VAV2: variants seen among roughly 807,000 people sequenced by gnomAD.
The protein encoded by VAV2 is guanine nucleotide exchange factor VAV2.
VAV2 carries 67 observed loss-of-function variants against 132.5 expected under a neutral mutation model. The observed-to-expected ratio is 0.51, with a 90% CI of 0.42 to 0.62. The LOEUF (loss-of-function observed/expected upper bound fraction) is 0.62, where lower values mean the gene tolerates loss of function less well. VAV2 is among the 20% of genes least tolerant of loss of function. The pLI, the probability that VAV2 is intolerant of heterozygous loss-of-function variation, is 0.00. For missense variants in VAV2, 938 were observed against 1,153.6 expected, an observed-to-expected ratio of 0.81 and a Z score of 2.71; for synonymous variants, 492 against 443.5, an observed-to-expected ratio of 1.11 and a Z score of -1.37.
intron 17 of VAV2, among the ~76,000 whole-genome samples, chr9:133,784,768 T>C (rs1381422019): frequency 6.6e-6 from 1 of 152,112 alleles, no homozygotes; most frequent in African/African-American, 2.4e-5. Context: ...TCATTGGATA[T>C]AAGCTTGAAA....
At chr9:133,819,539 A>T (rs1458596439) in intron 4 of VAV2, among the ~76,000 whole-genome samples, 3 of 152,130 alleles carry the variant, frequency 2.0e-5, no homozygotes, top group Non-Finnish European at 4.4e-5. Context: ...TTAAACACGC[A>T]GACAACATCC....
intron 2 of VAV2, among the ~76,000 whole-genome samples, chr9:133,921,366 G>A (rs1235589056): frequency 1.3e-5 from 2 of 152,236 alleles, no homozygotes; most frequent in East Asian, 1.9e-4. Context: ...GGCCAGGTAT[G>A]GTGGCTCACA....
In VAV2 at chr9:133,992,293, C is replaced by T; in HGVS notation, c.-15G>A. On this transcript the variant is annotated 5_prime_UTR_variant, in exon 1 of 30. Coordinates refer to ENST00000371850, the MANE Select transcript of VAV2 (RefSeq NM_001134398.2). The surrounding 1 kb of genome is among the most constrained non-coding windows in gnomAD (Gnocchi z 5.5). The stretch of plus-strand genomic sequence containing the variant: ...CACTGCTCCATGGCGCCCGCGGGCC[C>T]GACCGGCTCAGGGCAGTGCTCGAGC... 1 of 1,517,978 alleles carries T rather than the reference C, an allele frequency of 6.6e-7. No homozygotes were observed. Among genetic ancestry groups the T allele is most frequent in the Non-Finnish European group, 8.8e-7 (1 of 1,132,182 alleles). 94.0% of individuals were successfully genotyped at this position (1,517,978 alleles called of 1,614,324 possible). A position where few individuals can be genotyped will look rare whatever the true frequency, so the allele number is the denominator to read the frequency against.
At chr9:133,920,706 CG>C (rs1442739098) in intron 2 of VAV2, among the ~76,000 whole-genome samples, 1 of 152,062 alleles carries the variant, frequency 6.6e-6, no homozygotes, top group Admixed American at 6.5e-5. Context: ...CGGCTCAAGG[CG>C]GGGGATGCTG....
At chr9:133,803,131 G>A (rs10120042) in intron 9 of VAV2, among the ~76,000 whole-genome samples, 13,324 of 152,034 alleles carry the variant, frequency 0.088, 1,994 homozygotes, top group African/African-American at 0.31. Flanking sequence ...CCAGGATTCC[G>A]AGTGGAAGTC....
At chr9:133,976,212 A>C (rs1842504607) in intron 1 of VAV2, among the ~76,000 whole-genome samples, 1 of 152,090 alleles carries the variant, frequency 6.6e-6, no homozygotes, top group Non-Finnish European at 1.5e-5. Flanking sequence ...TTTCAAAAAA[A>C]AAAAATGCTA....
intron 12 of VAV2, among the ~76,000 whole-genome samples, chr9:133,793,320 GGCCAGA>G (rs982127651): frequency 5.9e-5 from 9 of 151,858 alleles, no homozygotes; most frequent in African/African-American, 2.2e-4. Context: ...GACCAGCCAG[GGCCAGA>G]GCCAGAGCCA....
At chr9:133,886,858 G>C (rs1216923425) in intron 2 of VAV2, among the ~76,000 whole-genome samples, 2 of 152,224 alleles carry the variant, frequency 1.3e-5, no homozygotes, top group Non-Finnish European at 2.9e-5. Context: ...TGGGCTTACA[G>C]GTCCCCTGGC....
intron 9 of VAV2, among the ~76,000 whole-genome samples, chr9:133,799,767 T>A (rs1469613734): frequency 6.7e-6 from 1 of 150,184 alleles, no homozygotes; most frequent in African/African-American, 2.5e-5. Flanking sequence ...AGAAAAAGGG[T>A]TTTCCCCTTT....
At position 133,830,226 on chromosome 9, in the gene VAV2, T is replaced by A. The variant is rs1218876442; in HGVS notation, c.449+4046A>T. Among the ~76,000 whole-genome samples, 3 of 152,198 alleles carry A rather than the reference T, an allele frequency of 2.0e-5. No individual in the cohort carries two copies. The East Asian group carries it at 5.8e-4, about 29-fold the overall frequency. On this transcript the variant is annotated intron_variant, in intron 4 of 29. Transcript: ENST00000371850. Reference sequence around the variant, plus strand: ...TTCAAGGTGACCTTCATGTTGGGCATCTGGCTATGGGCCCAAAGCAAAGAA... The same window carrying A: ...TTCAAGGTGACCTTCATGTTGGGCAACTGGCTATGGGCCCAAAGCAAAGAA...
chr9:133,812,660 G>C (rs1464120507), intron 4 of VAV2, among the ~76,000 whole-genome samples: 1 of 152,158 alleles, frequency 6.6e-6, no homozygotes, highest in Admixed American at 6.5e-5. Flanking sequence ...AGTGCTTCCG[G>C]CTCAGCCCTG....
rs1029082715 is a variant in VAV2 at position 133,851,304 on chromosome 9, GCTC to G, written c.380+10067_380+10069del. Among the ~76,000 whole-genome samples the G allele has an allele frequency of 3.9e-4, 59 of 152,114 alleles. No individual in the cohort carries two copies. In the South Asian group the frequency reaches 9.7e-3, roughly 25 times the overall value. On this transcript the variant is annotated intron_variant, in intron 3 of 29. Transcript: ENST00000371850. ...GAGGAACCTGAGGCACAGAGTGGCA[GCTC>G]CTCCTCCTCCTCCTGACTCTCAGCT...
At chr9:133,816,307 C>T (rs1224792745) in intron 4 of VAV2, among the ~76,000 whole-genome samples, 1 of 152,184 alleles carries the variant, frequency 6.6e-6, no homozygotes, top group East Asian at 1.9e-4. Flanking sequence ...AAGCATTCAC[C>T]TTTAATTTAA....
At chr9:133,767,514 C>T (rs1206277901) in intron 29 of VAV2, among the ~76,000 whole-genome samples, 2 of 152,220 alleles carry the variant, frequency 1.3e-5, no homozygotes, top group Non-Finnish European at 2.9e-5. Flanking sequence ...ATTACAGCTT[C>T]AGGCACTTTT....
intron 2 of VAV2, among the ~76,000 whole-genome samples, chr9:133,936,098 T>C (rs1336616440): frequency 1.3e-5 from 2 of 152,180 alleles, no homozygotes; most frequent in Non-Finnish European, 2.9e-5. Context: ...ACCGCCATTT[T>C]ACAAATGGGA....
intron 2 of VAV2, among the ~76,000 whole-genome samples, chr9:133,868,439 CT>C (rs1837893507): frequency 6.6e-6 from 1 of 152,216 alleles, no homozygotes; most frequent in African/African-American, 2.4e-5. Flanking sequence ...GCTCGGTTGG[CT>C]CATCTGTGAG....
chr9:133,959,607 G>A (rs564318258), intron 1 of VAV2, among the ~76,000 whole-genome samples: 10 of 152,310 alleles, frequency 6.6e-5, no homozygotes, highest in Middle Eastern at 3.4e-3. Context: ...TGTGCACCAC[G>A]TCCCCTATCT....
At chr9:133,784,208 C>T in intron 18 of VAV2, 109 bp downstream of exon 18, 2 of 1,251,388 alleles carry the variant, frequency 1.6e-6, no homozygotes, top group Non-Finnish European at 1.2e-6. Context: ...TCCCTTAACC[C>T]CTCAGGGCCT....
chr9:133,928,347 ACT>A lies in VAV2; in HGVS notation c.321+10754_321+10755del, dbSNP rs1229698577. On this transcript the variant is annotated intron_variant, in intron 2 of 29. Coordinates refer to ENST00000371850, the MANE Select transcript of VAV2 (RefSeq NM_001134398.2). The surrounding 1 kb of genome is among the most constrained non-coding windows in gnomAD (Gnocchi z 5.4). ...AAAGAGGAAATGTTTTCAAGCAGAA[ACT>A]CTGAAGGCCTTTGCCAACAGCCCCT... is the stretch of plus-strand genomic sequence containing the variant. Among the ~76,000 whole-genome samples, 1 of 152,110 alleles carries A rather than the reference ACT, an allele frequency of 6.6e-6. No individual in the cohort carries two copies. The highest frequency in any genetic ancestry group is 1.5e-5 in the Non-Finnish European group (1 of 68,020).
Sources: allele counts gnomAD v4.1 joint callset (sites outside exome capture counted in the v4.1 genomes callset), GRCh38; gene constraint gnomAD v4.1.1; non-coding constraint Gnocchi (gnomAD v3.1); transcripts MANE v1.5; gene names NCBI Gene and HGNC (gene_info 2026-07-23, HGNC 2026-07-21).